Variants in DSCAM observed in about 807,000 individuals in gnomAD.
The protein encoded by DSCAM is DS cell adhesion molecule.
In DSCAM, 47 loss-of-function variants were observed where a neutral mutation model predicts 217.7. The observed-to-expected ratio is 0.22, with a 90% CI of 0.17 to 0.28. The LOEUF (loss-of-function observed/expected upper bound fraction) is 0.28, where lower values mean the gene tolerates loss of function less well. DSCAM is among the 10% of genes least tolerant of loss of function. The pLI, the probability that DSCAM is intolerant of heterozygous loss-of-function variation, is 1.00. For missense variants in DSCAM, 2,080 were observed against 2,618.3 expected, an observed-to-expected ratio of 0.79 and a Z score of 4.49; for synonymous variants, 1,056 against 1,015.3, an observed-to-expected ratio of 1.04 and a Z score of -0.76.
At chr21:40,611,628 T>C (rs1455841631) in intron 3 of DSCAM, among the ~76,000 whole-genome samples, 2 of 152,060 alleles carry the variant, frequency 1.3e-5, no homozygotes, top group Non-Finnish European at 2.9e-5. Context: ...TTGGTGTCAT[T>C]TGAGATGCAC....
chr21:40,214,632 A>G (rs1177273016), intron 11 of DSCAM, among the ~76,000 whole-genome samples: 4 of 151,950 alleles, frequency 2.6e-5, no homozygotes, highest in African/African-American at 9.7e-5. Flanking sequence ...ATTCTTATAG[A>G]CTACAGGTAA....
At chr21:40,456,876 A>C (rs1749434696) in intron 3 of DSCAM, among the ~76,000 whole-genome samples, 1 of 152,198 alleles carries the variant, frequency 6.6e-6, no homozygotes, top group Non-Finnish European at 1.5e-5. Flanking sequence ...AAATCACAAA[A>C]CCATAGCAAA....
intron 1 of DSCAM, among the ~76,000 whole-genome samples, chr21:40,837,908 G>T (rs1477293765): frequency 2.4e-4 from 36 of 152,170 alleles, no homozygotes. Flanking sequence ...TATTAAAAAT[G>T]CTCTACAGCC....
At chr21:40,828,418 T>C (rs968826055) in intron 1 of DSCAM, among the ~76,000 whole-genome samples, 4 of 152,120 alleles carry the variant, frequency 2.6e-5, no homozygotes, top group African/African-American at 9.7e-5. Context: ...TAAGGTTCCA[T>C]ATTGTGTTGC....
chr21:40,218,943 T>C (rs2091267062), intron 11 of DSCAM, among the ~76,000 whole-genome samples: 1 of 152,226 alleles, frequency 6.6e-6, no homozygotes, highest in African/African-American at 2.4e-5. Flanking sequence ...TGACTTCCTC[T>C]CTTCCTATTT....
chr21:40,546,545 A>G (rs368162902), intron 3 of DSCAM, among the ~76,000 whole-genome samples: 2 of 152,342 alleles, frequency 1.3e-5, no homozygotes, highest in South Asian at 2.1e-4. Context: ...GCCACCAGCT[A>G]TGGCTTCGCC....
chr21:40,031,491 C>G (rs2088523629), intron 32 of DSCAM, among the ~76,000 whole-genome samples: 1 of 152,202 alleles, frequency 6.6e-6, no homozygotes, highest in African/African-American at 2.4e-5. Context: ...TAACACTCCT[C>G]ACAGTCTCAT....
chr21:40,057,873 C>CTTTTTTTTTTTTT (rs71186913), intron 28 of DSCAM, among the ~76,000 whole-genome samples: 1 of 107,232 alleles, frequency 9.3e-6, no homozygotes, highest in East Asian at 3.0e-4. Flanking sequence ...TCACTGCAGT[C>CTTTTTTTTTTTTT]TTTTTTTTTT....
chr21:40,819,596 G>T (rs777021099), intron 1 of DSCAM, among the ~76,000 whole-genome samples: 1 of 152,170 alleles, frequency 6.6e-6, no homozygotes, highest in African/African-American at 2.4e-5. Flanking sequence ...GTCAACCAAC[G>T]AGATCATTGT....
chr21:40,533,693 C>G (rs1159206344), intron 3 of DSCAM, among the ~76,000 whole-genome samples: 1 of 151,378 alleles, frequency 6.6e-6, no homozygotes, highest in African/African-American at 2.4e-5. Flanking sequence ...ATCCATCCAT[C>G]CATTCATCCA....
intron 4 of DSCAM, among the ~76,000 whole-genome samples, chr21:40,360,474 C>T (rs1010370355): frequency 1.3e-5 from 2 of 152,000 alleles, no homozygotes; most frequent in Admixed American, 6.6e-5. Context: ...CTGCCTTCCA[C>T]AGTCTAGTGT....
chr21:40,723,356 A>G (rs1398162614), intron 1 of DSCAM, among the ~76,000 whole-genome samples: 2 of 151,944 alleles, frequency 1.3e-5, no homozygotes, highest in Non-Finnish European at 2.9e-5. Flanking sequence ...ATTAACTCCT[A>G]CTCATTCATT....
chr21:40,732,786 T>A (rs535676348), intron 1 of DSCAM, among the ~76,000 whole-genome samples: 1 of 152,228 alleles, frequency 6.6e-6, no homozygotes, highest in African/African-American at 2.4e-5. Context: ...GAAAGCAATA[T>A]ATGTGACTAT....
intron 11 of DSCAM, among the ~76,000 whole-genome samples, chr21:40,251,374 G>C (rs764565872): frequency 6.6e-6 from 1 of 152,132 alleles, no homozygotes; most frequent in Non-Finnish European, 1.5e-5. Flanking sequence ...TAGGCCACAA[G>C]GAGATTTATC....
intron 3 of DSCAM, among the ~76,000 whole-genome samples, chr21:40,544,289 G>T (rs926439275): frequency 6.6e-6 from 1 of 152,118 alleles, no homozygotes; most frequent in Non-Finnish European, 1.5e-5. Flanking sequence ...CTGTCACATC[G>T]GAAACTTCAC....
At chr21:40,232,714 T>C (rs2091392815) in intron 11 of DSCAM, among the ~76,000 whole-genome samples, 5 of 152,260 alleles carry the variant, frequency 3.3e-5, no homozygotes, top group African/African-American at 1.2e-4. Context: ...TTATGAGATA[T>C]AGCATATTAG....
At chr21:40,552,105 G>A (rs2076634773) in intron 3 of DSCAM, among the ~76,000 whole-genome samples, 1 of 152,122 alleles carries the variant, frequency 6.6e-6, no homozygotes, top group Admixed American at 6.5e-5. Context: ...CATGAGGTCA[G>A]GGGTTCAAGA....
intron 20 of DSCAM, among the ~76,000 whole-genome samples, chr21:40,098,788 G>A (rs530938776): frequency 6.6e-6 from 1 of 152,224 alleles, no homozygotes; most frequent in South Asian, 2.1e-4. Context: ...ATGATTTGGA[G>A]AGACTCTTGC....
At chr21:40,147,292 C>G (rs1412418165) in intron 16 of DSCAM, among the ~76,000 whole-genome samples, 1 of 152,168 alleles carries the variant, frequency 6.6e-6, no homozygotes, top group African/African-American at 2.4e-5. Context: ...TGCTTGCTGA[C>G]ATGTAGTTCC....
Sources: gnomAD v4.1 joint callset for allele counts (sites outside exome capture counted in the v4.1 genomes callset) on GRCh38, gnomAD v4.1.1 for gene constraint, MANE v1.5 for transcripts, NCBI Gene and HGNC (gene_info 2026-07-23, HGNC 2026-07-21) for gene names.